SLC24A3: variants seen among roughly 807,000 people sequenced by gnomAD.
SLC24A3 encodes solute carrier family 24 member 3.
A neutral mutation model predicts 75.8 loss-of-function variants in SLC24A3; 28 were observed. The ratio of observed to expected loss-of-function variants is 0.37; its 90% CI spans 0.27 to 0.51. The LOEUF (loss-of-function observed/expected upper bound fraction) is 0.51. SLC24A3 is among the 20% of genes least tolerant of loss of function. The pLI, the probability that SLC24A3 is intolerant of heterozygous loss-of-function variation, is 0.94. For synonymous variants in SLC24A3, 372 were observed against 334.1 expected (o/e 1.11, Z -1.24); for missense variants, 663 against 847.8 (o/e 0.78, Z 2.71).
rs1985662462 is a variant in SLC24A3, at chr20:19,355,459, C to G, written c.271+74372C>G. 3.3e-5 allele frequency among the ~76,000 whole-genome samples: 5 copies of G among 152,194 alleles called. No homozygotes were observed. In the South Asian group the frequency reaches 1.0e-3, roughly 32 times the overall value. On this transcript the variant is annotated intron_variant, in intron 2 of 16. Coordinates refer to ENST00000328041, the MANE Select transcript of SLC24A3 (RefSeq NM_020689.4). ...TGCTAAGATAAACAAGTGCAACTTC[C>G]TTTGCCTCCTTACATTGTGATTTGA... is the stretch of plus-strand genomic sequence containing the variant.
intron 6 of SLC24A3, among the ~76,000 whole-genome samples, chr20:19,633,056 T>C (rs1006038062): frequency 3.9e-5 from 6 of 152,262 alleles, no homozygotes; most frequent in African/African-American, 1.4e-4. Context: ...GCTGGGCATG[T>C]GCAGATTTAT....
At chr20:19,474,607 T>C (rs571450318) in intron 2 of SLC24A3, among the ~76,000 whole-genome samples, 5 of 152,288 alleles carry the variant, frequency 3.3e-5, no homozygotes, top group African/African-American at 1.2e-4. Flanking sequence ...AACATTTTTA[T>C]TTTTTCTGTA....
chr20:19,619,348 A>G (rs2424236), intron 6 of SLC24A3, among the ~76,000 whole-genome samples: 11,130 of 152,210 alleles, frequency 0.073, 959 homozygotes, highest in African/African-American at 0.21. Flanking sequence ...ATGGAGAGAG[A>G]TGCTCAGGGA....
intron 6 of SLC24A3, among the ~76,000 whole-genome samples, chr20:19,650,372 T>C (rs751151330): frequency 1.3e-5 from 2 of 152,232 alleles, no homozygotes; most frequent in Admixed American, 1.3e-4. Flanking sequence ...TATATTTTCC[T>C]ATTTTTATTA....
chr20:19,339,831 G>A (rs1315037424), intron 2 of SLC24A3, among the ~76,000 whole-genome samples: 1 of 152,238 alleles, frequency 6.6e-6, no homozygotes, highest in African/African-American at 2.4e-5. Flanking sequence ...ACAGCACATT[G>A]GGTAGAGAGA....
intron 15 of SLC24A3, among the ~76,000 whole-genome samples, chr20:19,700,624 A>G (rs546167682): frequency 1.3e-5 from 2 of 152,360 alleles, no homozygotes; most frequent in South Asian, 4.1e-4. Flanking sequence ...AACTATTGTT[A>G]ACATTTCAGC....
In SLC24A3 at chr20:19,576,906, TC is replaced by T. The variant is rs1429999606; in HGVS notation, c.349-3092del. Among the ~76,000 whole-genome samples, 10 of 152,296 alleles carry T rather than the reference TC, an allele frequency of 6.6e-5. No individual in the cohort carries two copies. The South Asian group carries it at 2.1e-3, about 32-fold the overall frequency. Reference sequence around the variant, plus strand: ...GTATCCCAATTACCTAATGTGAGTGTCCTTTCAAAGCTAATCCTAAAACCTG... The same window carrying T: ...GTATCCCAATTACCTAATGTGAGTGTCTTTCAAAGCTAATCCTAAAACCTG... On this transcript the variant is annotated intron_variant, in intron 3 of 16. Transcript: ENST00000328041.
At chr20:19,646,991 C>T (rs1220994971) in intron 6 of SLC24A3, among the ~76,000 whole-genome samples, 1 of 152,130 alleles carries the variant, frequency 6.6e-6, no homozygotes, top group Admixed American at 6.5e-5. Flanking sequence ...TGACTGCCAA[C>T]AGCCAAAACC....
chr20:19,379,807 G>A (rs1986151404), intron 2 of SLC24A3, among the ~76,000 whole-genome samples: 1 of 152,146 alleles, frequency 6.6e-6, no homozygotes, highest in Non-Finnish European at 1.5e-5. Context: ...CTATGGATTT[G>A]GGATTGAAGG....
chr20:19,418,458 G>GC (rs1986862138), intron 2 of SLC24A3, among the ~76,000 whole-genome samples: 1 of 151,798 alleles, frequency 6.6e-6, no homozygotes, highest in African/African-American at 2.4e-5. Context: ...AATAAAGTAG[G>GC]GGGAAAAAAA....
chr20:19,305,892 A>G (rs1255813312), intron 2 of SLC24A3, among the ~76,000 whole-genome samples: 1 of 152,220 alleles, frequency 6.6e-6, no homozygotes, highest in African/African-American at 2.4e-5. Flanking sequence ...ATCTAATTAA[A>G]CTAAAGAGCT....
chr20:19,413,437 T>G (rs1247967805), intron 2 of SLC24A3, among the ~76,000 whole-genome samples: 1 of 152,168 alleles, frequency 6.6e-6, no homozygotes, highest in Non-Finnish European at 1.5e-5. Flanking sequence ...AGAAAAATTT[T>G]CTAACTTCTC....
At chr20:19,252,652 G>T (rs1982699487) in intron 1 of SLC24A3, among the ~76,000 whole-genome samples, 1 of 147,186 alleles carries the variant, frequency 6.8e-6, no homozygotes, top group Non-Finnish European at 1.5e-5. Context: ...GCGGGGGGGG[G>T]TGCCTGTTCC....
At chr20:19,564,508 C>T (rs1007746133) in intron 3 of SLC24A3, among the ~76,000 whole-genome samples, 3 of 152,166 alleles carry the variant, frequency 2.0e-5, no homozygotes, top group African/African-American at 7.2e-5. Context: ...CCATCATCAT[C>T]ACCACTACTG....
intron 2 of SLC24A3, among the ~76,000 whole-genome samples, chr20:19,394,081 A>G (rs1340233831): frequency 6.6e-6 from 1 of 152,216 alleles, no homozygotes; most frequent in Non-Finnish European, 1.5e-5. Flanking sequence ...ATTTTCAACA[A>G]GAGTTCCAAG....
At chr20:19,621,863 T>C (rs560012509) in intron 6 of SLC24A3, among the ~76,000 whole-genome samples, 28 of 152,328 alleles carry the variant, frequency 1.8e-4, no homozygotes, top group South Asian at 6.2e-4. Context: ...GTTATGTTTG[T>C]GAAAGATCAT....
chr20:19,321,064 G>A (rs1984696114), intron 2 of SLC24A3, among the ~76,000 whole-genome samples: 1 of 151,582 alleles, frequency 6.6e-6, no homozygotes, highest in African/African-American at 2.4e-5. Context: ...GGAATCCACA[G>A]ATATAGAGGG....
intron 3 of SLC24A3, among the ~76,000 whole-genome samples, chr20:19,533,290 G>C (rs2030335478): frequency 6.6e-6 from 1 of 152,174 alleles, no homozygotes; most frequent in South Asian, 2.1e-4. Flanking sequence ...TCTAACAGAG[G>C]AGGCTGAATG....
chr20:19,318,622 C>T (rs1381455686), intron 2 of SLC24A3, among the ~76,000 whole-genome samples: 1 of 152,104 alleles, frequency 6.6e-6, no homozygotes, highest in Non-Finnish European at 1.5e-5. Context: ...AAAGAGGCCC[C>T]CTTGCAATCT....
Sources: gnomAD v4.1 joint callset for allele counts (sites outside exome capture counted in the v4.1 genomes callset) on GRCh38, gnomAD v4.1.1 for gene constraint, MANE v1.5 for transcripts, NCBI Gene and HGNC (gene_info 2026-07-23, HGNC 2026-07-21) for gene names.